ALMS1: variants seen among roughly 807,000 people sequenced by gnomAD.
ALMS1 encodes the protein ALMS1 centrosome and basal body associated protein.
Under a neutral mutation model 352.2 loss-of-function variants are expected in ALMS1, and 271 were observed. The ratio of observed to expected loss-of-function variants is 0.77; its 90% CI spans 0.70 to 0.85. The LOEUF is 0.85. ALMS1 is among the 40% of genes least tolerant of loss of function. The pLI is 0.00. For missense variants in ALMS1, 5,445 were observed against 4,870.7 expected, an observed-to-expected ratio of 1.12 and a Z score of -3.51; for synonymous variants, 1,865 against 1,761.2, an observed-to-expected ratio of 1.06 and a Z score of -1.48.
rs527594771 is a variant in ALMS1 at position 73,478,072 on chromosome 2, A to G, written c.7675-11562A>G. On this transcript the variant is annotated intron_variant, in intron 9 of 22. Transcript: ENST00000613296. ...GTAGGGAGAAAGCATCTAGCTTTTC[A>G]TTATTCGGTATTATGTTAGCGCTGA... Among the ~76,000 whole-genome samples, 7 of 152,264 alleles carry G rather than the reference A, an allele frequency of 4.6e-5. No homozygotes were observed. The South Asian group carries it at 1.2e-3, about 27-fold the overall frequency.
intron 10 of ALMS1, among the ~76,000 whole-genome samples, chr2:73,507,242 T>C (rs1422711182): frequency 6.6e-6 from 1 of 152,188 alleles, no homozygotes; most frequent in Non-Finnish European, 1.5e-5. Flanking sequence ...GAAATTTTCT[T>C]TTTTGTTGTG....
chr2:73,441,366 T>G (rs1671714956), intron 7 of ALMS1, among the ~76,000 whole-genome samples: 1 of 152,198 alleles, frequency 6.6e-6, no homozygotes, highest in South Asian at 2.1e-4. Flanking sequence ...GACCTAGGTC[T>G]TCTTTTGTTA....
chr2:73,566,702 C>A (rs1303423212), intron 15 of ALMS1, among the ~76,000 whole-genome samples: 2 of 152,092 alleles, frequency 1.3e-5, no homozygotes, highest in Admixed American at 6.5e-5. Context: ...GCACAGTCCC[C>A]ACAGGTTATG....
chr2:73,551,083 TC>T (rs1674422169), intron 13 of ALMS1, among the ~76,000 whole-genome samples: 1 of 152,166 alleles, frequency 6.6e-6, no homozygotes, highest in Non-Finnish European at 1.5e-5. Flanking sequence ...GGTCTTGAAT[TC>T]CTGGCCTCAA....
At chr2:73,557,145 T>C (rs1674563237) in intron 13 of ALMS1, 75 bp from the exon 14 acceptor site, 1 of 1,595,772 alleles carries the variant, frequency 6.3e-7, no homozygotes, top group Admixed American at 1.7e-5. Context: ...TTGTTTGTAA[T>C]TGTGGGGGAG....
At chr2:73,559,461 G>A (rs1674612599) in intron 15 of ALMS1, among the ~76,000 whole-genome samples, 1 of 152,006 alleles carries the variant, frequency 6.6e-6, no homozygotes, top group African/African-American at 2.4e-5. Context: ...CAACCTTAAA[G>A]GCCTTCCAGA....
intron 7 of ALMS1, among the ~76,000 whole-genome samples, chr2:73,439,810 A>T (rs2103752707): frequency 6.6e-6 from 1 of 152,208 alleles, no homozygotes; most frequent in African/African-American, 2.4e-5. Flanking sequence ...AAGTGCTGGG[A>T]TTACAGGTGT....
intron 1 of ALMS1, 71 bp from the exon 2 acceptor site, chr2:73,408,551 T>G (rs1451946209): frequency 6.6e-7 from 1 of 1,512,652 alleles, no homozygotes; most frequent in African/African-American, 1.4e-5. Flanking sequence ...GGTCTAAATA[T>G]TAGTTTATTT....
At chr2:73,432,153 A>G (rs1190751017) in intron 6 of ALMS1, 45 bp from the exon 7 acceptor site, 1 of 1,441,152 alleles carries the variant, frequency 6.9e-7, no homozygotes, top group Middle Eastern at 1.7e-4. Context: ...TCTGGGCATT[A>G]ATGAGTCTTT....
chr2:73,504,130 G>T (rs767382294), intron 10 of ALMS1, among the ~76,000 whole-genome samples: 2 of 152,028 alleles, frequency 1.3e-5, no homozygotes, highest in African/African-American at 4.8e-5. Context: ...GCCAAGGGAG[G>T]TCCCCACTCA....
intron 15 of ALMS1, among the ~76,000 whole-genome samples, chr2:73,566,774 A>G (rs376336720): frequency 6.6e-5 from 10 of 152,166 alleles, no homozygotes; most frequent in African/African-American, 2.4e-4. Flanking sequence ...GGCCTCCTAT[A>G]CTTCTGACCA....
rs750591887 is a variant in ALMS1, at chr2:73,448,248, C to G, written c.1721C>G (p.Ser574Cys). 6.2e-7 allele frequency: 1 copy of G among 1,614,042 alleles called. No homozygotes were observed. Among genetic ancestry groups the G allele is most frequent in the Non-Finnish European group, 8.5e-7 (1 of 1,179,970 alleles). The part of the protein sequence containing the change: ...KTATPTVLSS[S>C]HSHRGKPSIF... ...GCAACACCAACAGTACTCTCTAGTTCCCACTCACATAGGGGGAAGCCCAGC... is the reference window on the plus strand; with the variant it reads ...GCAACACCAACAGTACTCTCTAGTTGCCACTCACATAGGGGGAAGCCCAGC... Residue 574 changes from serine to cysteine, a missense_variant, in exon 8 of 23, where the codon TCC (serine) becomes TGC (cysteine). Transcript: ENST00000613296.
chr2:73,528,164 T>G (rs1012045506), intron 11 of ALMS1, among the ~76,000 whole-genome samples: 16 of 152,208 alleles, frequency 1.1e-4, no homozygotes, highest in Admixed American at 8.5e-4. Flanking sequence ...TTTTGTGGCC[T>G]AAAATATGAC....
chr2:73,558,958 T>C lies in ALMS1; in HGVS notation c.10214-14T>C, dbSNP rs1366047829. ...AGTTCCTGTCTGTATAGTGTGTTAATTTCCCTTTCGTAGATTCCAGTGCTG... is the reference window on the plus strand; with the variant it reads ...AGTTCCTGTCTGTATAGTGTGTTAACTTCCCTTTCGTAGATTCCAGTGCTG... On this transcript the variant is annotated splice_polypyrimidine_tract_variant and intron_variant, in intron 14 of 22. Transcript: ENST00000613296. 2.5e-6 allele frequency: 4 copies of C among 1,613,544 alleles called. No individual in the cohort carries two copies. In the African/African-American group the frequency reaches 5.3e-5, roughly 22 times the overall value.
intron 1 of ALMS1, among the ~76,000 whole-genome samples, chr2:73,395,245 A>C (rs1048648689): frequency 6.6e-6 from 1 of 150,776 alleles, no homozygotes; most frequent in South Asian, 2.1e-4. Context: ...ATGCCTGGCT[A>C]ATTTTTGTAT....
At chr2:73,466,385 C>G (rs1672344085) in intron 9 of ALMS1, among the ~76,000 whole-genome samples, 1 of 148,436 alleles carries the variant, frequency 6.7e-6, no homozygotes, top group Non-Finnish European at 1.5e-5. Flanking sequence ...ATCTCAAGGA[C>G]AAAAAACCAA....
chr2:73,495,946 T>C (rs1038056795), intron 10 of ALMS1, among the ~76,000 whole-genome samples: 2 of 152,212 alleles, frequency 1.3e-5, no homozygotes, highest in Non-Finnish European at 2.9e-5. Flanking sequence ...GTACAGTGTT[T>C]ATCTGCAGTT....
chr2:73,540,508 A>G (rs539869465), intron 12 of ALMS1, among the ~76,000 whole-genome samples: 10 of 152,354 alleles, frequency 6.6e-5, no homozygotes, highest in South Asian at 2.1e-4. Context: ...GACAGGATCA[A>G]ATTCACACAT....
At position 73,479,294 on chromosome 2, in the gene ALMS1, T is replaced by C. The variant is rs535914561; in HGVS notation, c.7675-10340T>C. Among the ~76,000 whole-genome samples, 12 of 152,330 alleles carry C rather than the reference T, an allele frequency of 7.9e-5. No homozygotes were observed. In the South Asian group the frequency reaches 2.5e-3, roughly 32 times the overall value. ...ATATATCACAACCACAACGTTGATA[T>C]TGATACAGCCAAGATACTGAACATT... On this transcript the variant is annotated intron_variant, in intron 9 of 22. Coordinates refer to ENST00000613296, the MANE Select transcript of ALMS1 (RefSeq NM_001378454.1).
Sources: allele counts gnomAD v4.1 joint callset (sites outside exome capture counted in the v4.1 genomes callset), GRCh38; gene constraint gnomAD v4.1.1; transcripts MANE v1.5; gene names NCBI Gene and HGNC (gene_info 2026-07-23, HGNC 2026-07-21).